Variants in WNK1 observed in about 807,000 individuals in gnomAD.
WNK1 encodes WNK lysine deficient protein kinase 1.
In WNK1, 38 loss-of-function variants were observed where a neutral mutation model predicts 222.8. That is an observed-to-expected ratio of 0.17 (90% confidence interval 0.13 to 0.22). WNK1 has a LOEUF of 0.22. Ranked by LOEUF, WNK1 falls within the 10% of genes least tolerant of loss-of-function variation. WNK1 has a pLI of 1.00. For missense variants in WNK1, 2,348 were observed against 2,918.4 expected, an observed-to-expected ratio of 0.80 and a Z score of 4.50; for synonymous variants, 1,090 against 1,092.9, an observed-to-expected ratio of 1.00 and a Z score of 0.05.
Position 879,604 on chromosome 12 carries a change from A to G in WNK1, c.2405A>G (p.Gln802Arg), listed in dbSNP as rs1952961427. 6.2e-7 allele frequency: 1 copy of G among 1,608,182 alleles called. No individual in the cohort carries two copies. The highest frequency in any genetic ancestry group is 1.4e-5 in the African/African-American group (1 of 72,886). Residue 802 changes from glutamine to arginine, a missense_variant, in exon 11 of 28, where the codon CAA becomes CGA. Around this residue, in one of 13 missense-constraint regions of WNK1, gnomAD observed 547 missense variants for 558.3 expected, o/e 0.98. Transcript: ENST00000315939. ...GTTTCCCAGCCAGTACCAACTATCC[A>G]AGGCGAACCTCAGATCCCAGTTGCG... ...LPVSQPVPTI[Q>R]GEPQIPVATQ...
Position 911,334 on chromosome 12 carries a change from A to G in WNK1, c.*2542A>G, listed in dbSNP as rs1956069653. On this transcript the variant is annotated 3_prime_UTR_variant, in exon 28 of 28. Transcript: ENST00000315939. ...GTTTCTCAGCAGCCGTTAATTGTACATTTTGCACTAACTCTGGGTGTTGCG... is the reference window on the plus strand; with the variant it reads ...GTTTCTCAGCAGCCGTTAATTGTACGTTTTGCACTAACTCTGGGTGTTGCG... The G allele has an allele frequency of 2.5e-6, 1 of 397,976 alleles. No homozygotes were observed. The highest frequency in any genetic ancestry group is 4.4e-5 in the Admixed American group (1 of 22,706). 24.7% of individuals were successfully genotyped at this position (397,976 alleles called of 1,614,324 possible).
At position 897,567 on chromosome 12, in the gene WNK1, G is replaced by A. The variant is rs1340667805; in HGVS notation, c.6334G>A (p.Val2112Ile). The A allele has an allele frequency of 6.2e-7, 1 of 1,613,958 alleles. No homozygotes were observed. Among genetic ancestry groups the A allele is most frequent in the Non-Finnish European group, 8.5e-7 (1 of 1,179,944 alleles). Residue 2112 changes from valine to isoleucine, a missense_variant, in exon 25 of 28, where the codon GTT (valine) becomes ATT (isoleucine). Val to Ile is a conservative substitution (Grantham distance 29). Around this residue, in one of 13 missense-constraint regions of WNK1, gnomAD observed 1,144 missense variants for 1,273.6 expected, o/e 0.90. Coordinates refer to ENST00000315939, the MANE Select transcript of WNK1 (RefSeq NM_018979.4). ...YTKLGKVPPAVIIPPAAPLSG... is the reference protein window; with the variant it reads ...YTKLGKVPPAIIIPPAAPLSG... ...CAAACTGGGCAAGGTGCCCCCTGCTGTTATTATTCCCCCAGCTGCTCCCCT... is the reference window on the plus strand; with the variant it reads ...CAAACTGGGCAAGGTGCCCCCTGCTATTATTATTCCCCCAGCTGCTCCCCT...
chr12:833,855 A>G (rs1413657422), intron 4 of WNK1, among the ~76,000 whole-genome samples: 5 of 152,218 alleles, frequency 3.3e-5, no homozygotes, highest in African/African-American at 1.2e-4. Context: ...AATCCCTGCT[A>G]TGTCCCATGC....
intron 25 of WNK1, among the ~76,000 whole-genome samples, chr12:899,732 T>G (rs574509016): frequency 3.1e-4 from 47 of 152,330 alleles, no homozygotes; most frequent in African/African-American, 1.1e-3. Flanking sequence ...CATTGCTCTG[T>G]AGTGACCTCC....
chr12:820,207 T>C (rs1947727275), intron 2 of WNK1, among the ~76,000 whole-genome samples: 1 of 152,202 alleles, frequency 6.6e-6, no homozygotes, highest in African/African-American at 2.4e-5. Context: ...AGGGTGTCTG[T>C]CCATTTATTT....
intron 2 of WNK1, among the ~76,000 whole-genome samples, chr12:818,357 G>A (rs1591836362): frequency 2.0e-5 from 3 of 152,264 alleles, no homozygotes; most frequent in South Asian, 4.1e-4. Flanking sequence ...TGCTCCCACC[G>A]CTGCCTCTGA....
At chr12:891,257 G>C (rs989984901) in intron 22 of WNK1, among the ~76,000 whole-genome samples, 1 of 152,076 alleles carries the variant, frequency 6.6e-6, no homozygotes, top group African/African-American at 2.4e-5. Context: ...TCCTGCCTCA[G>C]CCTCCCAAGT....
rs763844475 is a variant in WNK1 at position 908,578 on chromosome 12, C to G, written c.6935C>G (p.Ser2312Cys). 1.7e-5 allele frequency: 28 copies of G among 1,614,186 alleles called. 1 individual carries two copies. The South Asian group carries it at 3.1e-4, about 18-fold the overall frequency. The stretch of plus-strand genomic sequence containing the variant: ...CCCATCTCTGCAGCATCAGCTACCT[C>G]TCTAGGTCACTTCACCAAGTCTATG... ...SAPISAASAT[S>C]LGHFTKSMCP... The change falls in exon 28 of 28, where the codon TCT (serine) becomes TGT (cysteine). Residue 2312 changes from serine (S) to cysteine (C), a missense_variant. Ser to Cys is a moderately radical substitution (Grantham distance 112, BLOSUM62 -1). Around this residue, in one of 13 missense-constraint regions of WNK1, gnomAD observed 55 missense variants for 104.1 expected, o/e 0.53. Coordinates refer to ENST00000315939, the MANE Select transcript of WNK1 (RefSeq NM_018979.4).
chr12:836,602 A>C (rs1459822598), intron 4 of WNK1, among the ~76,000 whole-genome samples: 2 of 152,232 alleles, frequency 1.3e-5, no homozygotes, highest in African/African-American at 4.8e-5. Flanking sequence ...TGATATATTC[A>C]AGGAATTTTA....
rs200700675 is a variant in WNK1, at chr12:765,556, A to AT, written c.759+11241dup. On this transcript the variant is annotated intron_variant, in intron 1 of 27. Coordinates refer to ENST00000315939, the MANE Select transcript of WNK1 (RefSeq NM_018979.4). The stretch of plus-strand genomic sequence containing the variant: ...GAGCTATGACCCTGTCTCAAAAACA[A>AT]TTTTTTTTTAATCATTGCAGAAAAT... Among the ~76,000 whole-genome samples, 945 of 149,724 alleles carry AT rather than the reference A, an allele frequency of 6.3e-3. 117 individuals are homozygous for AT. The highest frequency in any genetic ancestry group is 0.056 in the South Asian group (260 of 4,604).
chr12:885,054 C>T lies in WNK1; in HGVS notation c.4250C>T (p.Thr1417Ile). Residue 1417 changes from threonine (T) to isoleucine (I), a missense_variant, in exon 19 of 28, where the codon ACA (threonine) becomes ATA (isoleucine). Thr to Ile is a moderately conservative substitution (Grantham distance 89). This residue lies in a region of WNK1 where 1,144 missense variants were observed against 1,273.6 expected (regional missense o/e 0.90). Coordinates refer to ENST00000315939, the MANE Select transcript of WNK1 (RefSeq NM_018979.4). ...CTTTCCAGCGTAGTTTCAAGTATCACAATACCTGCAGTTGTCTCAATATCT... is the reference window on the plus strand; with the variant it reads ...CTTTCCAGCGTAGTTTCAAGTATCATAATACCTGCAGTTGTCTCAATATCT... ...PVLSSVVSSI[T>I]IPAVVSISTT... 6.2e-7 allele frequency: 1 copy of T among 1,614,226 alleles called. No homozygotes were observed. Among genetic ancestry groups the T allele is most frequent in the Non-Finnish European group, 8.5e-7 (1 of 1,180,040 alleles).
At chr12:899,970 A>G (rs1955097604) in intron 25 of WNK1, among the ~76,000 whole-genome samples, 1 of 151,512 alleles carries the variant, frequency 6.6e-6, no homozygotes, top group South Asian at 2.1e-4. Context: ...TAAAGCTAAA[A>G]AGCTCTGGAA....
intron 1 of WNK1, among the ~76,000 whole-genome samples, chr12:778,685 A>C (rs567289180): frequency 6.7e-6 from 1 of 150,238 alleles, no homozygotes; most frequent in East Asian, 1.9e-4. Context: ...GGAAGGAAAT[A>C]TCTATCGTGC....
chr12:773,940 T>C (rs775294783), intron 1 of WNK1, among the ~76,000 whole-genome samples: 6 of 152,206 alleles, frequency 3.9e-5, no homozygotes, highest in Non-Finnish European at 8.8e-5. Context: ...TCCACAAGGT[T>C]GTAACCATGA....
chr12:819,498 T>C (rs1382810228), intron 2 of WNK1, among the ~76,000 whole-genome samples: 1 of 152,212 alleles, frequency 6.6e-6, no homozygotes, highest in Non-Finnish European at 1.5e-5. Context: ...GTTCAGATTT[T>C]CTATTGGAGC....
intron 1 of WNK1, among the ~76,000 whole-genome samples, chr12:758,598 A>G (rs1334537647): frequency 6.8e-6 from 1 of 146,234 alleles, no homozygotes. Context: ...CTTGTTAGCC[A>G]GGATGGTCTG....
intron 2 of WNK1, among the ~76,000 whole-genome samples, chr12:815,710 C>T (rs1052436468): frequency 1.3e-5 from 2 of 152,088 alleles, no homozygotes; most frequent in African/African-American, 4.8e-5. Context: ...AGATTCTTTC[C>T]ACTGGTTTGG....
intron 9 of WNK1, 167 bp from the exon 10 acceptor site, chr12:878,045 G>T (rs1952785611): frequency 1.2e-6 from 1 of 850,240 alleles, no homozygotes; most frequent in Admixed American, 2.3e-5. Context: ...GAACATCAGA[G>T]GGAAAACAAA....
chr12:777,171 T>G (rs1467198979), intron 1 of WNK1, among the ~76,000 whole-genome samples: 5 of 144,992 alleles, frequency 3.4e-5, no homozygotes, highest in African/African-American at 7.7e-5. Flanking sequence ...TTTTTTTTTG[T>G]TTTTTTTTTT....
Sources: gnomAD v4.1 joint callset for allele counts (sites outside exome capture counted in the v4.1 genomes callset) on GRCh38, gnomAD v4.1.1 for gene constraint, gnomAD v4.1.1 regional missense constraint, MANE v1.5 for transcripts, NCBI Gene and HGNC (gene_info 2026-07-23, HGNC 2026-07-21) for gene names.